The following OPCML variants were observed in gnomAD, a reference collection of about 807,000 sequenced individuals.
OPCML encodes opioid-binding protein/cell adhesion molecule.
OPCML carries 13 observed loss-of-function variants against 37.8 expected under a neutral mutation model. The observed-to-expected ratio is 0.34, with a 90% CI of 0.22 to 0.55. The LOEUF (loss-of-function observed/expected upper bound fraction) is 0.55. OPCML is among the 20% of genes least tolerant of loss of function. OPCML has a pLI of 0.91. For synonymous variants in OPCML, 176 were observed against 168.8 expected (o/e 1.04, Z -0.33); for missense variants, 341 against 435.6 (o/e 0.78, Z 1.93).
At chr11:132,655,925 C>G (rs1941683563) in intron 3 of OPCML, among the ~76,000 whole-genome samples, 1 of 141,670 alleles carries the variant, frequency 7.1e-6, no homozygotes, top group African/African-American at 2.6e-5. Context: ...GGATGCCATA[C>G]ACATTTCACA....
intron 1 of OPCML, among the ~76,000 whole-genome samples, chr11:133,013,842 G>A (rs1283102740): frequency 6.6e-6 from 1 of 152,146 alleles, no homozygotes; most frequent in African/African-American, 2.4e-5. Flanking sequence ...CACCTGTTAG[G>A]CTGGGTAAGA....
At chr11:132,451,568 A>T (rs1318655295) in intron 4 of OPCML, among the ~76,000 whole-genome samples, 11 of 152,140 alleles carry the variant, frequency 7.2e-5, no homozygotes, top group Non-Finnish European at 1.6e-4. Context: ...AAAATAAAAA[A>T]TAGCACCTTC....
chr11:132,665,290 C>T (rs1317863450), intron 2 of OPCML, among the ~76,000 whole-genome samples: 1 of 152,140 alleles, frequency 6.6e-6, no homozygotes, highest in Non-Finnish European at 1.5e-5. Flanking sequence ...CACTTTCAGC[C>T]ATGTCTGATG....
intron 2 of OPCML, among the ~76,000 whole-genome samples, chr11:132,840,662 G>C (rs1303545873): frequency 3.3e-5 from 5 of 152,154 alleles, no homozygotes; most frequent in Admixed American, 2.0e-4. Flanking sequence ...TGCTCAATCC[G>C]AAGCGTTAAT....
chr11:133,187,555 C>T (rs999194593), intron 1 of OPCML, among the ~76,000 whole-genome samples: 2 of 152,048 alleles, frequency 1.3e-5, no homozygotes, highest in African/African-American at 2.4e-5. Context: ...CCAACCCCTG[C>T]GCAACTTCTA....
intron 3 of OPCML, among the ~76,000 whole-genome samples, chr11:132,608,722 T>G (rs1016822320): frequency 1.3e-5 from 2 of 152,168 alleles, no homozygotes; most frequent in Admixed American, 1.3e-4. Flanking sequence ...GTGGGTATAC[T>G]CCAGGAAACC....
intron 1 of OPCML, among the ~76,000 whole-genome samples, chr11:133,105,371 A>C (rs1275912021): frequency 6.6e-6 from 1 of 152,218 alleles, no homozygotes; most frequent in African/African-American, 2.4e-5. Context: ...TCATACAAAA[A>C]AAAGATTTTC....
chr11:132,438,016 T>C (rs1431480277), intron 4 of OPCML, among the ~76,000 whole-genome samples: 2 of 152,256 alleles, frequency 1.3e-5, no homozygotes, highest in African/African-American at 4.8e-5. Context: ...ATGCTGGATC[T>C]GTGGTTGCCA....
intron 1 of OPCML, among the ~76,000 whole-genome samples, chr11:132,965,574 C>T (rs1946195840): frequency 6.6e-6 from 1 of 152,104 alleles, no homozygotes; most frequent in Non-Finnish European, 1.5e-5. Flanking sequence ...CGCTCTCTTG[C>T]CAGGCTGGAG....
At chr11:132,454,508 G>A (rs944718377) in intron 4 of OPCML, among the ~76,000 whole-genome samples, 4 of 152,156 alleles carry the variant, frequency 2.6e-5, no homozygotes, top group East Asian at 1.9e-4. Flanking sequence ...CCTCTACTGC[G>A]GAGATGCTCC....
intron 3 of OPCML, among the ~76,000 whole-genome samples, chr11:132,606,743 A>G (rs894852727): frequency 1.3e-5 from 2 of 152,200 alleles, no homozygotes; most frequent in Non-Finnish European, 2.9e-5. Flanking sequence ...ATGGCGAAAA[A>G]GAAGACAAAG....
intron 4 of OPCML, among the ~76,000 whole-genome samples, chr11:132,466,491 A>G (rs1395465294): frequency 7.2e-5 from 11 of 152,066 alleles, no homozygotes; most frequent in Non-Finnish European, 1.3e-4. Context: ...CTCGGAAAAA[A>G]AAAAAAAAGC....
Position 132,745,563 on chromosome 11 carries a change from CAAA to C in OPCML, c.147-88247_147-88245del, listed in dbSNP as rs10562857. ...TGCTGCAAAAGGCATTGCTGTCTTG[CAAA>C]AAAAAAAAAAAAAAAAAGAAAGAAA... On this transcript the variant is annotated intron_variant, in intron 2 of 7. Transcript: ENST00000524381. Among the ~76,000 whole-genome samples, 486 of 102,870 alleles carry C rather than the reference CAAA, an allele frequency of 4.7e-3. 2 individuals are homozygous for C. The highest frequency in any genetic ancestry group is 0.012 in the African/African-American group (326 of 27,936). The allele number at this position is 102,870 out of a possible 152,430, so 67.5% of individuals were successfully genotyped here.
At position 132,634,133 on chromosome 11, in the gene OPCML, G is replaced by A. The variant is rs375606203; in HGVS notation, c.379+22954C>T. Among the ~76,000 whole-genome samples, 81 of 152,246 alleles carry A rather than the reference G, an allele frequency of 5.3e-4. 2 individuals are homozygous for A. In the South Asian group the frequency reaches 0.015, roughly 27 times the overall value. On this transcript the variant is annotated intron_variant, in intron 3 of 7. Coordinates refer to ENST00000524381, the MANE Select transcript of OPCML (RefSeq NM_001012393.5). ...AAAGCTGCTCCAGATAGCTGCCCTC[G>A]GACTTCCCCCTGGATCCTACTAATT...
intron 4 of OPCML, among the ~76,000 whole-genome samples, chr11:132,467,556 G>GTT (rs1171369896): frequency 3.9e-5 from 6 of 152,176 alleles, no homozygotes; most frequent in African/African-American, 1.4e-4. Flanking sequence ...TGTTTAAAAT[G>GTT]TAAGAGTTGG....
At chr11:133,018,776 G>C (rs765047276) in intron 1 of OPCML, among the ~76,000 whole-genome samples, 1 of 152,204 alleles carries the variant, frequency 6.6e-6, no homozygotes, top group Non-Finnish European at 1.5e-5. Flanking sequence ...ATGGCCCCGT[G>C]TACCCCGAGG....
chr11:133,045,181 C>T lies in OPCML; in HGVS notation c.62-102171G>A, dbSNP rs146620041. Reference sequence around the variant, plus strand: ...AGCTGGGGTTCCCGAAGCAATTCCTCCAGCAACCTTGGGGTGCATTCTTTC... The same window carrying T: ...AGCTGGGGTTCCCGAAGCAATTCCTTCAGCAACCTTGGGGTGCATTCTTTC... On this transcript the variant is annotated intron_variant, in intron 1 of 7. Coordinates refer to ENST00000524381, the MANE Select transcript of OPCML (RefSeq NM_001012393.5). Among the ~76,000 whole-genome samples, 1,379 of 152,260 alleles carry T rather than the reference C, an allele frequency of 9.1e-3. 9 individuals are homozygous for T. The highest frequency in any genetic ancestry group is 0.013 in the Non-Finnish European group (911 of 68,030).
intron 1 of OPCML, among the ~76,000 whole-genome samples, chr11:133,491,198 C>T (rs1947647601): frequency 6.6e-6 from 1 of 152,152 alleles, no homozygotes; most frequent in Non-Finnish European, 1.5e-5. Flanking sequence ...AGTGAGGAGG[C>T]AATCAATGGG....
intron 3 of OPCML, among the ~76,000 whole-genome samples, chr11:132,545,102 A>C (rs1299305716): frequency 6.6e-6 from 1 of 152,020 alleles, no homozygotes; most frequent in African/African-American, 2.4e-5. Context: ...CGTACATATG[A>C]TTGGGGGAGG....
Sources: gnomAD v4.1 joint callset for allele counts (sites outside exome capture counted in the v4.1 genomes callset) on GRCh38, gnomAD v4.1.1 for gene constraint, MANE v1.5 for transcripts, NCBI Gene and HGNC (gene_info 2026-07-23, HGNC 2026-07-21) for gene names.